Variants in CNTNAP2 observed in about 807,000 individuals in gnomAD.
The protein encoded by CNTNAP2 is contactin associated protein 2, also known as contactin-associated protein-like 2.
CNTNAP2 carries 98 observed loss-of-function variants against 155.2 expected under a neutral mutation model. That is an observed-to-expected ratio of 0.63 (90% CI 0.54 to 0.75). CNTNAP2 has a LOEUF of 0.75. Among genes scored for constraint, CNTNAP2 ranks in the 30% least tolerant of loss-of-function variants. The probability of loss-of-function intolerance (pLI) is 0.00; values close to 1 mark genes in which losing one functional copy is unlikely to be tolerated. For missense variants in CNTNAP2, 1,727 were observed against 1,688.1 expected (o/e 1.02, Z -0.40); for synonymous variants, 651 against 631.2 (o/e 1.03, Z -0.47).
At position 147,112,689 on chromosome 7, in the gene CNTNAP2, T is replaced by C. The variant is rs73471011; in HGVS notation, c.754+4339T>C. On this transcript the variant is annotated intron_variant, in intron 5 of 23. Coordinates refer to ENST00000361727, the MANE Select transcript of CNTNAP2 (RefSeq NM_014141.6). Reference sequence around the variant, plus strand: ...AATCACATTTATTGATATGTGTATGTTGAACCAACCCTACATCTCAGGGAT... The same window carrying C: ...AATCACATTTATTGATATGTGTATGCTGAACCAACCCTACATCTCAGGGAT... 6.4e-3 allele frequency among the ~76,000 whole-genome samples: 968 copies of C among 152,346 alleles called. 9 individuals are homozygous for C. Among genetic ancestry groups the C allele is most frequent in the African/African-American group, 0.022 (923 of 41,582 alleles).
chr7:147,357,747 A>G (rs754198884), intron 9 of CNTNAP2, among the ~76,000 whole-genome samples: 7 of 151,886 alleles, frequency 4.6e-5, no homozygotes, highest in Non-Finnish European at 7.4e-5. Context: ...TTTTTGTTAT[A>G]ATTTCCTCCC....
At chr7:146,376,138 T>C (rs924245100) in intron 1 of CNTNAP2, among the ~76,000 whole-genome samples, 16 of 152,186 alleles carry the variant, frequency 1.1e-4, no homozygotes, top group South Asian at 2.1e-4. Context: ...AAAACAAAAC[T>C]ATAAGAGCGA....
intron 3 of CNTNAP2, among the ~76,000 whole-genome samples, chr7:146,958,415 T>TG (rs200968706): frequency 0.028 from 3,904 of 138,288 alleles, 206 homozygotes; most frequent in African/African-American, 0.099. Flanking sequence ...TGGTTTTTTT[T>TG]TTTTTTTTTT....
At chr7:147,735,154 C>T (rs548799657) in intron 13 of CNTNAP2, among the ~76,000 whole-genome samples, 2 of 152,184 alleles carry the variant, frequency 1.3e-5, no homozygotes, top group Admixed American at 1.3e-4. Context: ...CTCTTGTGGG[C>T]ATTTAGTGCT....
rs1162610079 is a variant in CNTNAP2 at position 146,477,624 on chromosome 7, A to AACACACAC, written c.98-296603_98-296596dup. ...TTCCAGTAATCATTCTTCTTCAGCA[A>AACACACAC]ACACACACACACACACACACACACA... On this transcript the variant is annotated intron_variant, in intron 1 of 23. Transcript: ENST00000361727. Among the ~76,000 whole-genome samples the AACACACAC allele has an allele frequency of 4.0e-3, 530 of 131,706 alleles. 5 individuals carry two copies. Among genetic ancestry groups the AACACACAC allele is most frequent in the Middle Eastern group, 7.8e-3 (2 of 258 alleles). The allele number at this position is 131,706 out of a possible 152,430, so 86.4% of individuals were successfully genotyped here.
intron 11 of CNTNAP2, among the ~76,000 whole-genome samples, chr7:147,548,292 G>A (rs1411500420): frequency 2.0e-5 from 3 of 152,138 alleles, no homozygotes; most frequent in East Asian, 1.9e-4. Context: ...TTTAATAATC[G>A]CCATTCTGAC....
chr7:147,668,690 G>A (rs757011460), intron 13 of CNTNAP2, among the ~76,000 whole-genome samples: 5 of 152,110 alleles, frequency 3.3e-5, no homozygotes, highest in South Asian at 4.2e-4. Flanking sequence ...ATTTTTGTAC[G>A]GCTGTTTGTG....
intron 13 of CNTNAP2, among the ~76,000 whole-genome samples, chr7:147,860,024 C>T (rs1799109459): frequency 6.6e-6 from 1 of 152,052 alleles, no homozygotes; most frequent in South Asian, 2.1e-4. Context: ...TTGTAATTTC[C>T]ATGTGTCAAG....
intron 3 of CNTNAP2, among the ~76,000 whole-genome samples, chr7:146,963,734 A>C (rs1797601883): frequency 6.6e-6 from 1 of 152,170 alleles, no homozygotes; most frequent in African/African-American, 2.4e-5. Flanking sequence ...ATTTATTTAG[A>C]TTTATAAAAA....
chr7:147,302,776 G>A (rs1480011945), intron 9 of CNTNAP2, among the ~76,000 whole-genome samples: 1 of 152,246 alleles, frequency 6.6e-6, no homozygotes, highest in Non-Finnish European at 1.5e-5. Flanking sequence ...TGGGATGCAT[G>A]AGAATTAGCT....
chr7:147,001,322 C>T (rs1319027547), intron 3 of CNTNAP2, among the ~76,000 whole-genome samples: 2 of 151,986 alleles, frequency 1.3e-5, no homozygotes, highest in African/African-American at 2.4e-5. Context: ...TTGCTCGGCC[C>T]TCCTCAGGTT....
At chr7:146,951,459 G>A (rs182651118) in intron 3 of CNTNAP2, among the ~76,000 whole-genome samples, 4 of 152,094 alleles carry the variant, frequency 2.6e-5, no homozygotes, top group African/African-American at 9.6e-5. Flanking sequence ...TCCATCTTGA[G>A]TTAATTTTTG....
chr7:146,189,506 A>G (rs1293863971), intron 1 of CNTNAP2, among the ~76,000 whole-genome samples: 1 of 152,204 alleles, frequency 6.6e-6, no homozygotes, highest in Non-Finnish European at 1.5e-5. Flanking sequence ...TAAAAGTATT[A>G]GTAGTTTAAG....
At chr7:148,408,472 G>A (rs1193363373) in intron 22 of CNTNAP2, among the ~76,000 whole-genome samples, 1 of 152,192 alleles carries the variant, frequency 6.6e-6, no homozygotes, top group African/African-American at 2.4e-5. Context: ...GGAGTATGTA[G>A]CAATGTTCTC....
chr7:147,662,403 T>A (rs548388733), intron 13 of CNTNAP2, among the ~76,000 whole-genome samples: 1 of 152,116 alleles, frequency 6.6e-6, no homozygotes, highest in South Asian at 2.1e-4. Flanking sequence ...TTGGCAAGAG[T>A]TAGAGTAGGA....
At chr7:147,544,575 C>T (rs1180033422) in intron 11 of CNTNAP2, among the ~76,000 whole-genome samples, 1 of 152,060 alleles carries the variant, frequency 6.6e-6, no homozygotes, top group Non-Finnish European at 1.5e-5. Context: ...AGGGCCACAG[C>T]ATGACTTTCA....
chr7:146,519,502 A>G (rs1321219666), intron 1 of CNTNAP2, among the ~76,000 whole-genome samples: 2 of 151,986 alleles, frequency 1.3e-5, no homozygotes, highest in Non-Finnish European at 2.9e-5. Context: ...AGCTTAGCAC[A>G]ACAGAATGTA....
At chr7:146,267,025 A>T (rs1273189987) in intron 1 of CNTNAP2, among the ~76,000 whole-genome samples, 1 of 152,096 alleles carries the variant, frequency 6.6e-6, no homozygotes, top group Non-Finnish European at 1.5e-5. Flanking sequence ...TCAAAACAAA[A>T]TTGGAGAAAC....
At chr7:146,383,632 A>G (rs1175802409) in intron 1 of CNTNAP2, among the ~76,000 whole-genome samples, 1 of 152,146 alleles carries the variant, frequency 6.6e-6, no homozygotes, top group South Asian at 2.1e-4. Flanking sequence ...TTACACTTAC[A>G]CATTTCCCAC....
Sources: gnomAD v4.1 joint callset for allele counts (sites outside exome capture counted in the v4.1 genomes callset) on GRCh38, gnomAD v4.1.1 for gene constraint, MANE v1.5 for transcripts, NCBI Gene and HGNC (gene_info 2026-07-23, HGNC 2026-07-21) for gene names.